Variants in NEK2 observed in about 807,000 individuals in gnomAD.
NEK2 encodes the protein serine/threonine-protein kinase Nek2.
A neutral mutation model predicts 54.1 loss-of-function variants in NEK2; 28 were observed. The observed-to-expected ratio is 0.52, with a 90% CI of 0.38 to 0.71. The LOEUF (loss-of-function observed/expected upper bound fraction) is 0.71. NEK2 is among the 30% of genes least tolerant of loss of function. NEK2 has a pLI of 0.00. For missense variants in NEK2, 407 were observed against 531.5 expected, an observed-to-expected ratio of 0.77 and a Z score of 2.30; for synonymous variants, 176 against 193.1, an observed-to-expected ratio of 0.91 and a Z score of 0.73.
intron 6 of NEK2, among the ~76,000 whole-genome samples, chr1:211,667,747 T>C (rs1036273643): frequency 2.0e-5 from 3 of 152,310 alleles, no homozygotes; most frequent in Non-Finnish European, 4.4e-5. Flanking sequence ...CAGATTTCAG[T>C]TGCTATATGA....
At chr1:211,671,777 A>G (rs1655400481) in intron 3 of NEK2, among the ~76,000 whole-genome samples, 1 of 152,194 alleles carries the variant, frequency 6.6e-6, no homozygotes, top group South Asian at 2.1e-4. Flanking sequence ...ATCTACAGTA[A>G]CAACAGCCTA....
downstream of NEK2, chr1:211,662,726 C>T: frequency 1.1e-6 from 1 of 924,440 alleles, no homozygotes; most frequent in Non-Finnish European, 1.3e-6. The surrounding 1 kb of genome is among the most constrained non-coding windows in gnomAD (Gnocchi z 4.2). Context: ...AAATCATAAA[C>T]ACAACTCCCA....
chr1:211,675,323 C>T, intron 1 of NEK2, 61 bp downstream of exon 1: 1 of 1,481,136 alleles, frequency 6.8e-7, no homozygotes, highest in Non-Finnish European at 9.4e-7. Flanking sequence ...TGGCGCAGGG[C>T]GCTCGCCCCG....
downstream of NEK2, among the ~76,000 whole-genome samples, chr1:211,659,024 A>C (rs1276914837): frequency 6.6e-6 from 1 of 152,220 alleles, no homozygotes; most frequent in Admixed American, 6.5e-5. Flanking sequence ...GTTTTTATGT[A>C]CAGGAACAAT....
At chr1:211,664,879 T>C (rs1239745955) in intron 7 of NEK2, among the ~76,000 whole-genome samples, 1 of 152,228 alleles carries the variant, frequency 6.6e-6, no homozygotes, top group Non-Finnish European at 1.5e-5. Context: ...CAGGCTGGAG[T>C]GCAGTGGCTA....
In NEK2 at chr1:211,665,583, A is replaced by T. The variant is rs1051381163; in HGVS notation, c.1111+1523T>A. Among the ~76,000 whole-genome samples the T allele has an allele frequency of 4.6e-5, 7 of 152,178 alleles. 1 individual carries two copies. Among genetic ancestry groups the T allele is most frequent in the African/African-American group, 1.7e-4 (7 of 41,422 alleles). On this transcript the variant is annotated intron_variant, in intron 7 of 7. Transcript: ENST00000366999. ...GGTAAAATTTTCTCCTCATTTTATC[A>T]CCCTAATCATGATTTAAGTCTATTT...
chr1:211,667,555 T>C (rs755597854), intron 6 of NEK2, among the ~76,000 whole-genome samples: 5 of 152,198 alleles, frequency 3.3e-5, no homozygotes, highest in Non-Finnish European at 5.9e-5. Flanking sequence ...TCACTGAAGA[T>C]AAGCAACAGC....
Position 211,675,573 on chromosome 1 carries a change from G to C in NEK2, c.-94C>G. On this transcript the variant is annotated 5_prime_UTR_variant, in exon 1 of 8. Transcript: ENST00000366999. ...CAGGAACTCCAGGGACCTGGATGGA[G>C]AAGCCCCCGAGCAGCACTGACCCGC... The C allele has an allele frequency of 1.9e-6, 2 of 1,040,976 alleles. No homozygotes were observed. Among genetic ancestry groups the C allele is most frequent in the Non-Finnish European group, 2.9e-6 (2 of 678,674 alleles). 64.5% of individuals were successfully genotyped at this position (1,040,976 alleles called of 1,614,324 possible). A position where few individuals can be genotyped will look rare whatever the true frequency, so the allele number is the denominator to read the frequency against.
chr1:211,671,121 A>G (rs1045048950), intron 4 of NEK2, 81 bp downstream of exon 4: 1 of 1,096,858 alleles, frequency 9.1e-7, no homozygotes, highest in African/African-American at 1.5e-5. Flanking sequence ...TCGTTAGCAC[A>G]GAGGCTCAAA....
chr1:211,668,652 A>C (rs1655253446), intron 6 of NEK2, among the ~76,000 whole-genome samples: 1 of 152,120 alleles, frequency 6.6e-6, no homozygotes, highest in African/African-American at 2.4e-5. Context: ...AAAGAAAAGA[A>C]TTGCCTGAAC....
rs769694500 is a variant in NEK2 at position 211,663,430 on chromosome 1, C to T, written c.1334G>A (p.Arg445His). The change falls in exon 8 of 8, where the codon CGC (arginine) becomes CAC (histidine). Residue 445 changes from arginine to histidine, a missense_variant. Transcript: ENST00000366999. The part of the protein sequence containing the change: ...QLKSRQILGM[R>H] ...GCTCTGTGTCTCTCTACCTGGCTAG[C>T]GCATGCCCAGGATCTGTCTGCTTTT... The T allele has an allele frequency of 5.6e-6, 9 of 1,610,374 alleles. No homozygotes were observed. The highest frequency in any genetic ancestry group is 1.1e-5 in the South Asian group (1 of 90,418).
chr1:211,666,597 G>C (rs569708986), intron 7 of NEK2: 1 of 442,034 alleles, frequency 2.3e-6, no homozygotes, highest in Non-Finnish European at 3.0e-6. Context: ...TCAGGAAATC[G>C]AGACCATCCT....
chr1:211,663,510 G>A lies in NEK2; in HGVS notation c.1254C>T (p.His418=), dbSNP rs558738121. 10 of 1,613,972 alleles carry A rather than the reference G, an allele frequency of 6.2e-6. No individual in the cohort carries two copies. The highest frequency in any genetic ancestry group is 4.5e-5 in the East Asian group (2 of 44,890). The change falls in exon 8 of 8, where the codon CAC becomes CAT. Residue 418 remains histidine (H), a synonymous_variant. Coordinates refer to ENST00000366999, the MANE Select transcript of NEK2 (RefSeq NM_002497.4). Reference sequence around the variant, plus strand: ...GGGCTTGAGCCCGCAGCTGGGCAGCGTGAAGCCTTTTCTTCAGGTCCTTGC... The same window carrying A: ...GGGCTTGAGCCCGCAGCTGGGCAGCATGAAGCCTTTTCTTCAGGTCCTTGC... ...SKCKDLKKRL[H]AAQLRAQALS...
chr1:211,671,388 C>A, intron 3 of NEK2, 104 bp from the exon 4 acceptor site: 1 of 773,310 alleles, frequency 1.3e-6, no homozygotes, highest in South Asian at 1.6e-5. Flanking sequence ...AACAGAACCT[C>A]AAAGTTTTTA....
At chr1:211,674,043 T>C (rs1655492591) in intron 2 of NEK2, among the ~76,000 whole-genome samples, 1 of 152,214 alleles carries the variant, frequency 6.6e-6, no homozygotes, top group Admixed American at 6.5e-5. Context: ...CTTGAAATCC[T>C]GGGCTCAAGT....
intron 3 of NEK2, among the ~76,000 whole-genome samples, 164 bp downstream of exon 3, chr1:211,673,319 C>T (rs142090450): frequency 6.6e-6 from 1 of 152,252 alleles, no homozygotes; most frequent in Non-Finnish European, 1.5e-5. Flanking sequence ...GAGGCTGATG[C>T]AGGAGAATCC....
At chr1:211,672,061 G>A (rs1195551990) in intron 3 of NEK2, among the ~76,000 whole-genome samples, 3 of 152,138 alleles carry the variant, frequency 2.0e-5, no homozygotes, top group African/African-American at 7.2e-5. Context: ...GCTATTTTTA[G>A]TCAAAACCAA....
In NEK2 at chr1:211,663,370, T is replaced by G. The variant is rs1655069992; in HGVS notation, c.*56A>C. 6.4e-7 allele frequency: 1 copy of G among 1,554,122 alleles called. No homozygotes were observed. Among genetic ancestry groups the G allele is most frequent in the Non-Finnish European group, 8.7e-7 (1 of 1,146,266 alleles). ...CAACACTACAGCATTTGAATATCAG[T>G]CTTTAAAGGTTGGTAATATTACATC... On this transcript the variant is annotated 3_prime_UTR_variant, in exon 8 of 8. Transcript: ENST00000366999.
intron 1 of NEK2, 55 bp downstream of exon 1, chr1:211,675,329 C>A: frequency 3.0e-5 from 46 of 1,539,726 alleles, no homozygotes; most frequent in Non-Finnish European, 4.0e-5. Context: ...AGGGCGCTCG[C>A]CCCGAGGCGA....
Sources: gnomAD v4.1 joint callset for allele counts (sites outside exome capture counted in the v4.1 genomes callset) on GRCh38, gnomAD v4.1.1 for gene constraint, Gnocchi (gnomAD v3.1) non-coding constraint, MANE v1.5 for transcripts, NCBI Gene and HGNC (gene_info 2026-07-23, HGNC 2026-07-21) for gene names.